The following DSC1 variants were observed in gnomAD, a reference collection of about 807,000 sequenced individuals.
DSC1 encodes the protein desmocollin-1.
DSC1 carries 79 observed loss-of-function variants against 98.8 expected under a neutral mutation model. That is an observed-to-expected ratio of 0.80 (90% CI 0.67 to 0.96). The LOEUF (loss-of-function observed/expected upper bound fraction) is 0.96, where lower values mean the gene tolerates loss of function less well. Among genes scored for constraint, DSC1 ranks in the 50% least tolerant of loss-of-function variants. The pLI is 0.00. For synonymous variants in DSC1, 405 were observed against 372.1 expected (o/e 1.09, Z -1.02); for missense variants, 1,115 against 1,075.9 (o/e 1.04, Z -0.51).
chr18:31,147,436 A>G (rs1988869581), intron 6 of DSC1, among the ~76,000 whole-genome samples: 1 of 152,186 alleles, frequency 6.6e-6, no homozygotes, highest in Non-Finnish European at 1.5e-5. Context: ...TTATGTATCA[A>G]TTAGCTGCCT....
chr18:31,151,668 A>G (rs1225307570), intron 5 of DSC1, among the ~76,000 whole-genome samples: 1 of 152,202 alleles, frequency 6.6e-6, no homozygotes, highest in Non-Finnish European at 1.5e-5. Flanking sequence ...TATTGCTGAA[A>G]TTGCTGTCAT....
chr18:31,147,954 A>T (rs533073661), intron 6 of DSC1, among the ~76,000 whole-genome samples: 28 of 148,230 alleles, frequency 1.9e-4, no homozygotes, highest in Middle Eastern at 3.4e-3. Context: ...GACACTTTTT[A>T]AAAAACCACT....
At chr18:31,150,816 G>C (rs1988988215) in intron 5 of DSC1, 1 of 152,106 alleles carries the variant, frequency 6.6e-6, no homozygotes. Flanking sequence ...TTGCTGTCAG[G>C]CTTGAAGACT....
At chr18:31,150,373 C>CAGCAGCACTATCATCATCACCAGACT (rs1349343037) in intron 5 of DSC1, among the ~76,000 whole-genome samples, 1 of 14,736 alleles carries the variant, frequency 6.8e-5, no homozygotes, top group African/African-American at 3.0e-4. Flanking sequence ...TCACCACCAC[C>CAGCAGCACTATCATCATCACCAGACT]ATCATCACCA....
intron 5 of DSC1, among the ~76,000 whole-genome samples, chr18:31,150,026 ACCAC>A (rs1988928560): frequency 8.1e-6 from 1 of 124,100 alleles, no homozygotes; most frequent in African/African-American, 3.0e-5. Flanking sequence ...CATCATCATC[ACCAC>A]TTACCATCAT....
At chr18:31,134,393 CAA>C (rs1988562935) in intron 12 of DSC1, among the ~76,000 whole-genome samples, 177 bp downstream of exon 12, 2 of 151,858 alleles carry the variant, frequency 1.3e-5, no homozygotes, top group Admixed American at 1.3e-4. Context: ...ATATTCAGAA[CAA>C]GAGTCTAAGC....
At position 31,162,454 on chromosome 18, in the gene DSC1, T is replaced by C. The variant is rs1057368362; in HGVS notation, c.63+78A>G. 4 of 1,389,114 alleles carry C rather than the reference T, an allele frequency of 2.9e-6. No homozygotes were observed. The African/African-American group carries it at 4.3e-5, about 15-fold the overall frequency. 86.0% of individuals were successfully genotyped at this position (1,389,114 alleles called of 1,614,324 possible). ...CTCTGCCTCCCATCCTCACTCCTAG[T>C]CTCTTTCAAGCCCAAACTGCAGAGA... On this transcript the variant is annotated intron_variant, in intron 1 of 15. Coordinates refer to ENST00000257198, the MANE Select transcript of DSC1 (RefSeq NM_024421.2).
In DSC1 at chr18:31,159,535, A is replaced by AT. The variant is rs1230089256; in HGVS notation, c.64-7_64-6insA. ...TCGCAAAGTAATGTTAAAACCTCAAAAAAAAAAAAAGAAAAAATATCAGGA... is the reference window on the plus strand; with the variant it reads ...TCGCAAAGTAATGTTAAAACCTCAAATAAAAAAAAAAGAAAAAATATCAGGA... On this transcript the variant is annotated splice_region_variant and splice_polypyrimidine_tract_variant and intron_variant, in intron 1 of 15. Transcript: ENST00000257198. 2.5e-6 allele frequency: 4 copies of AT among 1,581,088 alleles called. No individual in the cohort carries two copies. In the African/African-American group the frequency reaches 5.5e-5, roughly 22 times the overall value.
chr18:31,149,234 T>C (rs12606277), intron 5 of DSC1, among the ~76,000 whole-genome samples: 33,678 of 152,084 alleles, frequency 0.22, 4,252 homozygotes, highest in East Asian at 0.56. Context: ...TTCCTACACC[T>C]TCCTTATGTG....
At chr18:31,156,258 T>A in intron 3 of DSC1, 96 bp from the exon 4 acceptor site, 2 of 1,432,994 alleles carry the variant, frequency 1.4e-6, no homozygotes, top group South Asian at 1.3e-5. Flanking sequence ...ATGTAAGGGT[T>A]ACACATTACA....
rs763934218 is a variant in DSC1 at position 31,157,595 on chromosome 18, G to T, written c.149-22C>A. ...TTCACTGCAGGGAAGAAATATCACA[G>T]CAGTTTGTCAGATGAAACAGGAGTG... is the stretch of plus-strand genomic sequence containing the variant. On this transcript the variant is annotated intron_variant, in intron 2 of 15. Transcript: ENST00000257198. The T allele has an allele frequency of 1.2e-5, 20 of 1,613,584 alleles. No individual in the cohort carries two copies. In the South Asian group the frequency reaches 2.2e-4, roughly 18 times the overall value.
intron 15 of DSC1, chr18:31,131,342 AC>A (rs1988484047): frequency 2.1e-6 from 1 of 482,618 alleles, no homozygotes; most frequent in Non-Finnish European, 3.6e-6. Context: ...GAGGCTATGA[AC>A]CTTTTATCCT....
At position 31,162,427 on chromosome 18, in the gene DSC1, T is replaced by C. The variant is rs1286960732; in HGVS notation, c.63+105A>G. 4 of 1,072,520 alleles carry C rather than the reference T, an allele frequency of 3.7e-6. No homozygotes were observed. The African/African-American group carries it at 4.7e-5, about 13-fold the overall frequency. The allele number at this position is 1,072,520 out of a possible 1,614,324, so 66.4% of individuals were successfully genotyped here. On this transcript the variant is annotated intron_variant, in intron 1 of 15. Coordinates refer to ENST00000257198, the MANE Select transcript of DSC1 (RefSeq NM_024421.2). Reference sequence around the variant, plus strand: ...CTGCTTTTGTTTTCCCCAATCTCTCTTCTCTGCCTCCCATCCTCACTCCTA... The same window carrying C: ...CTGCTTTTGTTTTCCCCAATCTCTCCTCTCTGCCTCCCATCCTCACTCCTA...
In DSC1 at chr18:31,140,166, C is replaced by A; in HGVS notation, c.1396G>T (p.Asp466Tyr). The change falls in exon 10 of 16, where the codon GAT (aspartate) becomes TAT (tyrosine). Residue 466 changes from aspartate (D) to tyrosine (Y), a missense_variant. Physicochemically the swap from Asp to Tyr is radical, Grantham distance 160. Transcript: ENST00000257198. ...GGAGGGTGGCATTCAGGGCCCTCATCACTGTCTATAATTTTAACGGTGACA... is the reference window on the plus strand; with the variant it reads ...GGAGGGTGGCATTCAGGGCCCTCATAACTGTCTATAATTTTAACGGTGACA... ...TTVTVKIIDS[D>Y]EGPECHPPVK... The A allele has an allele frequency of 1.2e-6, 2 of 1,614,004 alleles. No individual in the cohort carries two copies. The highest frequency in any genetic ancestry group is 4.5e-5 in the East Asian group (2 of 44,868).
At chr18:31,143,117 G>A (rs576343782) in intron 8 of DSC1, among the ~76,000 whole-genome samples, 1 of 151,492 alleles carries the variant, frequency 6.6e-6, no homozygotes, top group African/African-American at 2.4e-5. Context: ...ATATATATAT[G>A]TGTACACAAA....
intron 13 of DSC1, among the ~76,000 whole-genome samples, chr18:31,133,215 T>A (rs936287745): frequency 6.6e-6 from 1 of 151,638 alleles, no homozygotes; most frequent in African/African-American, 2.4e-5. Context: ...TTCTTTGGGG[T>A]CAGAGGGAGA....
chr18:31,131,787 G>A lies in DSC1; in HGVS notation c.2294C>T (p.Ser765Phe), dbSNP rs768689757. 2.5e-6 allele frequency: 4 copies of A among 1,614,104 alleles called. No homozygotes were observed. The South Asian group carries it at 4.4e-5, about 18-fold the overall frequency. The part of the protein sequence containing the change: ...QTSNICDTSM[S>F]VGTVGGQGIK... ...TCCCTGGCCACCAACAGTACCAACA[G>A]ACATGCTTGTGTCACAAATGTTGGA... Residue 765 changes from serine (S) to phenylalanine (F), a missense_variant, in exon 15 of 16, where the codon TCT becomes TTT. Physicochemically the swap from Ser to Phe is radical, Grantham distance 155. Coordinates refer to ENST00000257198, the MANE Select transcript of DSC1 (RefSeq NM_024421.2).
At chr18:31,153,980 A>C (rs1037759789) in intron 5 of DSC1, among the ~76,000 whole-genome samples, 1 of 152,184 alleles carries the variant, frequency 6.6e-6, no homozygotes, top group Non-Finnish European at 1.5e-5. Flanking sequence ...TTAGCAAAGA[A>C]CTTTATTATA....
chr18:31,129,614 G>A lies in DSC1; in HGVS notation c.*900C>T, dbSNP rs1009000069. 6.6e-6 allele frequency: 1 copy of A among 152,118 alleles called. No individual in the cohort carries two copies. The highest frequency in any genetic ancestry group is 2.4e-5 in the African/African-American group (1 of 41,392). The allele number at this position is 152,118 out of a possible 1,614,324, so 9.4% of individuals were successfully genotyped here. On this transcript the variant is annotated 3_prime_UTR_variant, in exon 16 of 16. Coordinates refer to ENST00000257198, the MANE Select transcript of DSC1 (RefSeq NM_024421.2). ...GCTAGTTGTCCAAATGCTTGGAGAT[G>A]GCAGGTGGCAACCACAGATAAGGCA...
Sources: allele counts gnomAD v4.1 joint callset (sites outside exome capture counted in the v4.1 genomes callset), GRCh38; gene constraint gnomAD v4.1.1; transcripts MANE v1.5; gene names NCBI Gene and HGNC (gene_info 2026-07-23, HGNC 2026-07-21).